EPG5: variants seen among roughly 807,000 people sequenced by gnomAD.
EPG5 encodes ectopic P granules protein 5 homolog.
In EPG5, 159 loss-of-function variants were observed where a neutral mutation model predicts 302.7. That is an observed-to-expected ratio of 0.53 (90% CI 0.46 to 0.60). The LOEUF is 0.60. Ranked by LOEUF, EPG5 falls within the 20% of genes least tolerant of loss-of-function variation. The pLI is 0.00. For missense variants in EPG5, 2,896 were observed against 3,092.4 expected (o/e 0.94, Z 1.51); for synonymous variants, 1,158 against 1,136.8 (o/e 1.02, Z -0.37).
chr18:45,817,431 G>A, the EPG5 span, among the ~76,000 whole-genome samples: 1 of 152,098 alleles, frequency 6.6e-6, no homozygotes, highest in African/African-American at 2.4e-5. Context: ...AAAACTTAAT[G>A]GCTTAAATCA....
intron 26 of EPG5, 63 bp from the exon 27 acceptor site, chr18:45,899,629 G>C: frequency 6.4e-7 from 1 of 1,553,246 alleles, no homozygotes; most frequent in Non-Finnish European, 8.8e-7. Context: ...AGGTGATAAA[G>C]GCTTCCAGTT....
intron 8 of EPG5, among the ~76,000 whole-genome samples, chr18:45,943,738 G>A (rs1216737343): frequency 1.3e-5 from 2 of 151,940 alleles, no homozygotes; most frequent in African/African-American, 2.4e-5. Context: ...TGGCTAACAC[G>A]GTGAAACCCC....
At chr18:45,878,284 A>T in intron 34 of EPG5, 92 bp downstream of exon 34, 1 of 820,956 alleles carries the variant, frequency 1.2e-6, no homozygotes, top group Admixed American at 2.4e-5. Context: ...CTAAAAAATT[A>T]AATCTGTGAA....
chr18:45,824,952 C>A, the EPG5 span, among the ~76,000 whole-genome samples: 1 of 151,880 alleles, frequency 6.6e-6, no homozygotes, highest in Non-Finnish European at 1.5e-5. Flanking sequence ...CCCCCAAGTG[C>A]CAAGGGAAGG....
intron 12 of EPG5, among the ~76,000 whole-genome samples, chr18:45,930,429 G>T (rs1426808853): frequency 6.6e-6 from 1 of 152,140 alleles, no homozygotes. Context: ...GTGTCACATT[G>T]TCTCTCCCTT....
the EPG5 span, among the ~76,000 whole-genome samples, chr18:45,841,734 G>A: frequency 6.6e-6 from 1 of 152,174 alleles, no homozygotes; most frequent in Non-Finnish European, 1.5e-5. Context: ...CGGGTGTGAG[G>A]GTCATGCGTA....
chr18:45,952,627 T>C lies in EPG5; in HGVS notation c.1025A>G (p.Gln342Arg). 2 of 1,614,178 alleles carry C rather than the reference T, an allele frequency of 1.2e-6. No individual in the cohort carries two copies. The highest frequency in any genetic ancestry group is 1.7e-6 in the Non-Finnish European group (2 of 1,180,026). The change falls in exon 3 of 44, where the codon CAA (glutamine) becomes CGA (arginine). Residue 342 changes from glutamine to arginine, a missense_variant. Physicochemically the swap from Gln to Arg is conservative, Grantham distance 43. Coordinates refer to ENST00000282041, the MANE Select transcript of EPG5 (RefSeq NM_020964.3). ...GCGATGATAGCTGAAAACTTTCACTTGATCTGCACAGATACCCTACCAGAG... is the reference window on the plus strand; with the variant it reads ...GCGATGATAGCTGAAAACTTTCACTCGATCTGCACAGATACCCTACCAGAG... Reference protein sequence around the residue: ...QMSVQGICADQVKVFSYHRYQ... With the variant: ...QMSVQGICADRVKVFSYHRYQ...
chr18:45,911,931 A>G lies in EPG5; in HGVS notation c.3983+359T>C, dbSNP rs78635913. 5.1e-3 allele frequency among the ~76,000 whole-genome samples: 771 copies of G among 152,134 alleles called. 4 individuals carry two copies. The highest frequency in any genetic ancestry group is 0.01 in the Middle Eastern group (3 of 294). Reference sequence around the variant, plus strand: ...CCTGGCCTTTGTTCACACGCGCACCACTCATCACAAGGTCCCCTCCTACAA... The same window carrying G: ...CCTGGCCTTTGTTCACACGCGCACCGCTCATCACAAGGTCCCCTCCTACAA... On this transcript the variant is annotated intron_variant, in intron 22 of 43. Transcript: ENST00000282041.
chr18:45,896,137 C>T (rs147668279), intron 27 of EPG5, among the ~76,000 whole-genome samples: 1 of 152,258 alleles, frequency 6.6e-6, no homozygotes, highest in Admixed American at 6.5e-5. Context: ...ATAGCCTCAA[C>T]TAGCAACAAC....
intron 27 of EPG5, among the ~76,000 whole-genome samples, chr18:45,898,982 G>A (rs542486304): frequency 7.9e-5 from 12 of 152,094 alleles, no homozygotes; most frequent in Non-Finnish European, 1.3e-4. Context: ...GAAATTAGCC[G>A]GGCGTGGTGG....
At chr18:45,839,199 T>G in the EPG5 span, 83 of 1,307,504 alleles carry the variant, frequency 6.3e-5, no homozygotes, top group Middle Eastern at 2.9e-4. Context: ...AGAATGTCGG[T>G]TTTTTTGCCC....
At chr18:45,957,772 C>T (rs192173193) in intron 1 of EPG5, among the ~76,000 whole-genome samples, 3 of 152,322 alleles carry the variant, frequency 2.0e-5, no homozygotes, top group African/African-American at 7.2e-5. Context: ...ATTTCTCACA[C>T]AAAAATCCAG....
At chr18:45,826,521 T>C in the EPG5 span, among the ~76,000 whole-genome samples, 1 of 152,264 alleles carries the variant, frequency 6.6e-6, no homozygotes, top group African/African-American at 2.4e-5. Context: ...CTTGGGTGAT[T>C]CTGACACTCG....
intron 23 of EPG5, among the ~76,000 whole-genome samples, chr18:45,909,831 C>T (rs192186838): frequency 1.0e-3 from 159 of 152,328 alleles, no homozygotes; most frequent in Non-Finnish European, 1.0e-3. Flanking sequence ...TGGTGGCACA[C>T]ACCTGTAGTC....
the EPG5 span, among the ~76,000 whole-genome samples, chr18:45,808,818 A>T: frequency 8.4e-5 from 1 of 11,924 alleles, no homozygotes; most frequent in Non-Finnish European, 1.2e-4. Flanking sequence ...AAATACAATT[A>T]AAAAATAAAA....
rs199939477 is a variant in EPG5 at position 45,914,867 on chromosome 18, A to G, written c.3693+644T>C. On this transcript the variant is annotated intron_variant, in intron 20 of 43. Coordinates refer to ENST00000282041, the MANE Select transcript of EPG5 (RefSeq NM_020964.3). ...ACACAGTAGTGTGCCTGTAGTCCCCAAATACTAGGGAGGCTGGGAGCAGGA... is the reference window on the plus strand; with the variant it reads ...ACACAGTAGTGTGCCTGTAGTCCCCGAATACTAGGGAGGCTGGGAGCAGGA... 2.0e-5 allele frequency among the ~76,000 whole-genome samples: 3 copies of G among 152,072 alleles called. No individual in the cohort carries two copies. The East Asian group carries it at 5.8e-4, about 29-fold the overall frequency.
rs1233124909 is a variant in EPG5, at chr18:45,899,476, C to T, written c.4737G>A (p.Gln1579=). The change falls in exon 27 of 44, where the codon CAG becomes CAA. Residue 1579 remains glutamine, a synonymous_variant. Transcript: ENST00000282041. ...CTCTGCACTCCAAATGTAGTGTGGTCTGTTCTTCACGATTCACATACTGCT... is the reference window on the plus strand; with the variant it reads ...CTCTGCACTCCAAATGTAGTGTGGTTTGTTCTTCACGATTCACATACTGCT... ...MPKQYVNREE[Q]TTLHLECRGS... The T allele has an allele frequency of 6.2e-7, 1 of 1,614,090 alleles. No individual in the cohort carries two copies. Among genetic ancestry groups the T allele is most frequent in the African/African-American group, 1.3e-5 (1 of 74,916 alleles).
Position 45,851,465 on chromosome 18 carries a change from C to T in EPG5, c.*1002G>A, listed in dbSNP as rs971922242. 1 of 152,222 alleles carries T rather than the reference C, an allele frequency of 6.6e-6. No individual in the cohort carries two copies. Among genetic ancestry groups the T allele is most frequent in the African/African-American group, 2.4e-5 (1 of 41,460 alleles). The allele number at this position is 152,222 out of a possible 1,614,324, so 9.4% of individuals were successfully genotyped here. ...TTTCAGTAGATCTCCCGACCTGACC[C>T]AGTTTCCACAGACAAGTGTTTCAGC... is the stretch of plus-strand genomic sequence containing the variant. On this transcript the variant is annotated 3_prime_UTR_variant, in exon 44 of 44. Transcript: ENST00000282041.
chr18:45,860,076 A>G, intron 40 of EPG5, 28 bp downstream of exon 40: 1 of 1,613,242 alleles, frequency 6.2e-7, no homozygotes, highest in Non-Finnish European at 8.5e-7. Context: ...AGACCAATAC[A>G]ATGGAGCGTA....
Sources: gnomAD v4.1 joint callset for allele counts (sites outside exome capture counted in the v4.1 genomes callset) on GRCh38, gnomAD v4.1.1 for gene constraint, MANE v1.5 for transcripts, NCBI Gene and HGNC (gene_info 2026-07-23, HGNC 2026-07-21) for gene names.